The following GLRA1 variants were observed in gnomAD, a reference collection of about 807,000 sequenced individuals.
GLRA1 encodes the protein glycine receptor subunit alpha-1.
A neutral mutation model predicts 48.3 loss-of-function variants in GLRA1; 37 were observed. The ratio of observed to expected loss-of-function variants is 0.77; its 90% CI spans 0.59 to 1.01. GLRA1 has a LOEUF of 1.01. Ranked by LOEUF, GLRA1 falls within the 50% of genes least tolerant of loss-of-function variation. The probability of loss-of-function intolerance (pLI) is 0.00; values close to 1 mark genes in which losing one functional copy is unlikely to be tolerated. For synonymous variants in GLRA1, 196 were observed against 210.7 expected (o/e 0.93, Z 0.60); for missense variants, 427 against 571.0 (o/e 0.75, Z 2.57).
chr5:151,871,821 C>T (rs766012975), intron 3 of GLRA1, among the ~76,000 whole-genome samples: 3 of 149,768 alleles, frequency 2.0e-5, no homozygotes, highest in Admixed American at 6.6e-5. Flanking sequence ...GCCTCGGCCT[C>T]CCAAAGTGCC....
rs150481663 is a variant in GLRA1 at position 151,848,795 on chromosome 5, G to GTCTCC, written c.912+2590_912+2594dup. 2.1e-3 allele frequency: 815 copies of GTCTCC among 391,122 alleles called. 1 individual carries two copies. The highest frequency in any genetic ancestry group is 2.6e-3 in the Non-Finnish European group (539 of 204,824). The allele number at this position is 391,122 out of a possible 1,614,324, so 24.2% of individuals were successfully genotyped here. The stretch of plus-strand genomic sequence containing the variant: ...AGCGGAGTGTGTGAGCAGCACGGCG[G>GTCTCC]TCTCCTCTCCTCTCCTCTCCTCTCC... On this transcript the variant is annotated intron_variant, in intron 7 of 8. Coordinates refer to ENST00000274576, the MANE Select transcript of GLRA1 (RefSeq NM_000171.4).
intron 7 of GLRA1, among the ~76,000 whole-genome samples, chr5:151,835,874 G>A (rs1036552332): frequency 6.6e-6 from 1 of 152,154 alleles, no homozygotes; most frequent in Admixed American, 6.5e-5. Context: ...GCAAAAGCTG[G>A]AAGCATTCCC....
At chr5:151,892,890 C>G (rs865846575) in intron 1 of GLRA1, among the ~76,000 whole-genome samples, 1 of 152,152 alleles carries the variant, frequency 6.6e-6, no homozygotes, top group South Asian at 2.1e-4. Context: ...GAATCAGAGT[C>G]ACAGTTTTTT....
rs988497931 is a variant in GLRA1 at position 151,886,933 on chromosome 5, C to G, written c.185-145G>C. 11 of 703,230 alleles carry G rather than the reference C, an allele frequency of 1.6e-5. No individual in the cohort carries two copies. The African/African-American group carries it at 1.9e-4, about 12-fold the overall frequency. The allele number at this position is 703,230 out of a possible 1,614,324, so 43.6% of individuals were successfully genotyped here. The stretch of plus-strand genomic sequence containing the variant: ...TTGCTCTCCACCCCACCCCCAAGCA[C>G]CTGGGATTCCCAGCCACCATTTAAC... On this transcript the variant is annotated intron_variant, in intron 2 of 8. Coordinates refer to ENST00000274576, the MANE Select transcript of GLRA1 (RefSeq NM_000171.4).
rs144612461 is a variant in GLRA1, at chr5:151,882,105, A to G, written c.252+4616T>C. On this transcript the variant is annotated intron_variant, in intron 3 of 8. Transcript: ENST00000274576. Reference sequence around the variant, plus strand: ...ATCCTCTCTCTGGCCTCCAGTTTCTATGTCTGTTCAAGCTGAAGTTCCCTT... The same window carrying G: ...ATCCTCTCTCTGGCCTCCAGTTTCTGTGTCTGTTCAAGCTGAAGTTCCCTT... 6.2e-3 allele frequency among the ~76,000 whole-genome samples: 948 copies of G among 152,188 alleles called. 8 individuals carry two copies. The highest frequency in any genetic ancestry group is 0.022 in the African/African-American group (903 of 41,502).
intron 1 of GLRA1, among the ~76,000 whole-genome samples, chr5:151,901,529 A>G (rs1754368653): frequency 6.6e-6 from 1 of 152,210 alleles, no homozygotes; most frequent in African/African-American, 2.4e-5. Flanking sequence ...AGAAGAGCAA[A>G]TGGCTCTCAT....
intron 3 of GLRA1, among the ~76,000 whole-genome samples, chr5:151,865,926 A>G (rs1350822172): frequency 6.6e-6 from 1 of 152,176 alleles, no homozygotes; most frequent in African/African-American, 2.4e-5. Flanking sequence ...GAAGAGATCA[A>G]TGTAATTGGT....
intron 7 of GLRA1, among the ~76,000 whole-genome samples, chr5:151,841,315 C>T (rs1382169972): frequency 2.0e-5 from 3 of 151,962 alleles, no homozygotes; most frequent in Non-Finnish European, 4.4e-5. Context: ...GAAAACACAA[C>T]ATACTACAAC....
Position 151,859,900 on chromosome 5 carries a change from T to A in GLRA1, c.361A>T (p.Ile121Phe). 6.2e-7 allele frequency: 1 copy of A among 1,614,042 alleles called. No individual in the cohort carries two copies. Among genetic ancestry groups the A allele is most frequent in the Non-Finnish European group, 8.5e-7 (1 of 1,179,912 alleles). Residue 121 changes from isoleucine to phenylalanine, a missense_variant, in exon 4 of 9, where the codon ATC becomes TTC. By Grantham distance (21) the Ile-to-Phe change is conservative. Transcript: ENST00000274576. Reference sequence around the variant, plus strand: ...GCAAAGAACAGGTCAGGTTTCCAGATGGAGTCCAGCATGGATGGGTCCAGG... The same window carrying A: ...GCAAAGAACAGGTCAGGTTTCCAGAAGGAGTCCAGCATGGATGGGTCCAGG... ...LDLDPSMLDS[I>F]WKPDLFFANE...
Position 151,828,830 on chromosome 5 carries a change from C to A in GLRA1, c.1059+91G>T, listed in dbSNP as rs1763341161. ...TGCCTTGCACATTGAGAAGGATGGA[C>A]CATTGAAACAAATAACACAAGACAA... is the stretch of plus-strand genomic sequence containing the variant. On this transcript the variant is annotated intron_variant, in intron 8 of 8. Transcript: ENST00000274576. The A allele has an allele frequency of 1.6e-5, 20 of 1,288,034 alleles. No individual in the cohort carries two copies. In the Admixed American group the frequency reaches 2.4e-4, roughly 15 times the overall value. The allele number at this position is 1,288,034 out of a possible 1,614,324, so 79.8% of individuals were successfully genotyped here.
intron 1 of GLRA1, among the ~76,000 whole-genome samples, chr5:151,921,870 A>G (rs899862437): frequency 9.2e-5 from 14 of 152,136 alleles, no homozygotes; most frequent in Admixed American, 4.6e-4. Flanking sequence ...AAATCACCCG[A>G]TCTTACTTAT....
chr5:151,900,449 G>T (rs1296044602), intron 1 of GLRA1, among the ~76,000 whole-genome samples: 1 of 152,180 alleles, frequency 6.6e-6, no homozygotes, highest in East Asian at 1.9e-4. Context: ...TTGGTGGCAA[G>T]AAATGACATT....
At chr5:151,838,165 G>A (rs1161836236) in intron 7 of GLRA1, among the ~76,000 whole-genome samples, 1 of 152,108 alleles carries the variant, frequency 6.6e-6, no homozygotes, top group Non-Finnish European at 1.5e-5. Context: ...TATGAGAGCA[G>A]TGTCTCACCA....
chr5:151,829,113 T>C (rs1763356673), intron 7 of GLRA1, 46 bp from the exon 8 acceptor site: 1 of 1,586,916 alleles, frequency 6.3e-7, no homozygotes, highest in Non-Finnish European at 8.6e-7. Context: ...AGCAGGGGAA[T>C]GTAAAACATT....
At chr5:151,871,556 C>G (rs1189203492) in intron 3 of GLRA1, among the ~76,000 whole-genome samples, 1 of 138,754 alleles carries the variant, frequency 7.2e-6, no homozygotes, top group African/African-American at 2.8e-5. Context: ...ACCTGAGAGG[C>G]TTTTTTTTTT....
At chr5:151,905,060 G>A (rs981004977) in intron 1 of GLRA1, among the ~76,000 whole-genome samples, 1 of 152,154 alleles carries the variant, frequency 6.6e-6, no homozygotes, top group Non-Finnish European at 1.5e-5. Context: ...TGGTAACAGA[G>A]CAGTAATTGC....
At chr5:151,885,631 G>A (rs1331327499) in intron 3 of GLRA1, among the ~76,000 whole-genome samples, 1 of 152,244 alleles carries the variant, frequency 6.6e-6, no homozygotes, top group Non-Finnish European at 1.5e-5. Context: ...CCAGAAGCCT[G>A]TAAAGCAGAG....
At chr5:151,884,888 G>T (rs1343981279) in intron 3 of GLRA1, among the ~76,000 whole-genome samples, 1 of 152,196 alleles carries the variant, frequency 6.6e-6, no homozygotes, top group Non-Finnish European at 1.5e-5. Flanking sequence ...AGGAGGGGAA[G>T]AAAAGCAGAG....
chr5:151,826,454 A>G (rs1459972962), intron 8 of GLRA1, among the ~76,000 whole-genome samples: 2 of 152,238 alleles, frequency 1.3e-5, no homozygotes, highest in Non-Finnish European at 2.9e-5. Context: ...TGAACAGATA[A>G]GAACTCATGG....
Sources: gnomAD v4.1 joint callset for allele counts (sites outside exome capture counted in the v4.1 genomes callset) on GRCh38, gnomAD v4.1.1 for gene constraint, MANE v1.5 for transcripts, NCBI Gene and HGNC (gene_info 2026-07-23, HGNC 2026-07-21) for gene names.